Variants in HOMER2 observed in about 807,000 individuals in gnomAD.
The protein encoded by HOMER2 is homer protein homolog 2.
Under a neutral mutation model 47.0 loss-of-function variants are expected in HOMER2, and 27 were observed. That is an observed-to-expected ratio of 0.57 (90% CI 0.42 to 0.79). The LOEUF is 0.79. HOMER2 is among the 30% of genes least tolerant of loss of function. HOMER2 has a pLI of 0.00. For synonymous variants in HOMER2, 161 were observed against 163.8 expected, an observed-to-expected ratio of 0.98 and a Z score of 0.13; for missense variants, 443 against 435.0, an observed-to-expected ratio of 1.02 and a Z score of -0.16.
At chr15:82,899,812 C>A (rs2053051972) in intron 1 of HOMER2, among the ~76,000 whole-genome samples, 1 of 152,152 alleles carries the variant, frequency 6.6e-6, no homozygotes, top group Non-Finnish European at 1.5e-5. Context: ...CACTTGAGGT[C>A]AGGAGTTTGA....
chr15:82,961,330 C>T (rs185721103), intron 1 of HOMER2, among the ~76,000 whole-genome samples: 73 of 152,342 alleles, frequency 4.8e-4, no homozygotes, highest in South Asian at 1.7e-3. Flanking sequence ...ACTTCCCGTG[C>T]GCAGGTTGGG....
chr15:82,860,665 G>T (rs1001349074), intron 4 of HOMER2, among the ~76,000 whole-genome samples: 6 of 151,934 alleles, frequency 3.9e-5, no homozygotes, highest in African/African-American at 1.5e-4. Context: ...GGCCAGGTGT[G>T]GTGGCTCACA....
chr15:82,925,505 G>A (rs756363497), intron 1 of HOMER2, among the ~76,000 whole-genome samples: 8 of 152,164 alleles, frequency 5.3e-5, no homozygotes, highest in Non-Finnish European at 1.2e-4. Context: ...GATTCTAGAT[G>A]GGCTGGAGTT....
chr15:82,986,140 A>T (rs1251437198), upstream of HOMER2: 3 of 984,706 alleles, frequency 3.0e-6, no homozygotes, highest in Non-Finnish European at 2.4e-6. Flanking sequence ...AAAGCGATCC[A>T]CACGGAGAGC....
chr15:82,861,802 C>T (rs1391479636), intron 4 of HOMER2, among the ~76,000 whole-genome samples: 1 of 152,096 alleles, frequency 6.6e-6, no homozygotes, highest in Non-Finnish European at 1.5e-5. Context: ...ATATCAGAAG[C>T]TTGAGATCAG....
chr15:82,903,927 A>G (rs2053210261), intron 1 of HOMER2, among the ~76,000 whole-genome samples: 1 of 152,184 alleles, frequency 6.6e-6, no homozygotes, highest in Non-Finnish European at 1.5e-5. Context: ...AGTTGACGCC[A>G]GGAGTTCGAG....
intron 1 of HOMER2, among the ~76,000 whole-genome samples, chr15:82,931,928 T>C (rs2054021988): frequency 6.6e-6 from 1 of 152,262 alleles, no homozygotes; most frequent in South Asian, 2.1e-4. Flanking sequence ...CCAGCAGTTC[T>C]GTCTCACAGG....
chr15:82,966,757 C>A (rs1258065567), intron 1 of HOMER2, among the ~76,000 whole-genome samples: 2 of 152,166 alleles, frequency 1.3e-5, no homozygotes, highest in African/African-American at 4.8e-5. Context: ...TTGTGGGTTA[C>A]AGTGAGCAAA....
In HOMER2 at chr15:82,862,607, T is replaced by G. The variant is rs145781288; in HGVS notation, c.387+1560A>C. Among the ~76,000 whole-genome samples, 192 of 152,362 alleles carry G rather than the reference T, an allele frequency of 1.3e-3. 3 individuals are homozygous for G. Among genetic ancestry groups the G allele is most frequent in the Admixed American group, 0.01 (155 of 15,302 alleles). On this transcript the variant is annotated intron_variant, in intron 4 of 8. Transcript: ENST00000450735. ...GGACAATTTCAGATGCTGAATTTCATAGGTCCTCAGAGATTAATCAAGTAA... is the reference window on the plus strand; with the variant it reads ...GGACAATTTCAGATGCTGAATTTCAGAGGTCCTCAGAGATTAATCAAGTAA...
intron 3 of HOMER2, among the ~76,000 whole-genome samples, chr15:82,865,153 T>C (rs2051924737): frequency 6.6e-6 from 1 of 152,232 alleles, no homozygotes; most frequent in African/African-American, 2.4e-5. Context: ...AGTCTTTCTG[T>C]TCTGGCCTGT....
At chr15:82,878,318 AC>A (rs1170825074) in intron 2 of HOMER2, among the ~76,000 whole-genome samples, 4 of 152,148 alleles carry the variant, frequency 2.6e-5, no homozygotes, top group Non-Finnish European at 5.9e-5. Flanking sequence ...TTTCTAGGGC[AC>A]TTTTTCACAG....
chr15:82,984,913 G>A (rs1431308973), intron 1 of HOMER2, among the ~76,000 whole-genome samples: 1 of 152,118 alleles, frequency 6.6e-6, no homozygotes, highest in East Asian at 1.9e-4. Flanking sequence ...GTTTAATAGG[G>A]GGAAAGACTT....
At chr15:82,962,956 A>G (rs1031292251) in intron 1 of HOMER2, among the ~76,000 whole-genome samples, 1 of 152,182 alleles carries the variant, frequency 6.6e-6, no homozygotes, top group African/African-American at 2.4e-5. Flanking sequence ...AGAGGGGCTA[A>G]AAGCCCAAAG....
At chr15:82,892,581 G>T in intron 2 of HOMER2, 104 bp downstream of exon 2, 1 of 868,506 alleles carries the variant, frequency 1.2e-6, no homozygotes. Flanking sequence ...ATGTTATACA[G>T]ACATTATAAC....
chr15:82,904,313 C>T (rs1454233858), intron 1 of HOMER2, among the ~76,000 whole-genome samples: 1 of 152,116 alleles, frequency 6.6e-6, no homozygotes, highest in Admixed American at 6.5e-5. Context: ...AGTGCCAGGG[C>T]AGGAAAACCT....
intron 3 of HOMER2, 24 bp downstream of exon 3, chr15:82,875,249 G>A: frequency 1.2e-6 from 2 of 1,611,554 alleles, no homozygotes; most frequent in Middle Eastern, 2.0e-4. Context: ...GGGATTTACT[G>A]CACTGTGGAT....
At chr15:82,933,134 A>T (rs72755929) in intron 1 of HOMER2, among the ~76,000 whole-genome samples, 8,088 of 152,076 alleles carry the variant, frequency 0.053, 253 homozygotes, top group East Asian at 0.11. Flanking sequence ...TGATAAAAAA[A>T]AAAAAAACTA....
intron 1 of HOMER2, among the ~76,000 whole-genome samples, chr15:82,935,291 T>C: frequency 6.6e-6 from 1 of 152,086 alleles, no homozygotes; most frequent in East Asian, 1.9e-4. Context: ...ATCTCAGCAG[T>C]GCTCAAACCA....
chr15:82,849,484 T>C lies in HOMER2; in HGVS notation c.*231A>G, dbSNP rs1453530147. ...GCATAAATGTTGAAGGTAGACCTAG[T>C]TCTGGATTCCTGAGTCAGAATCTTC... On this transcript the variant is annotated 3_prime_UTR_variant, in exon 9 of 9. Coordinates refer to ENST00000450735, the MANE Select transcript of HOMER2 (RefSeq NM_004839.4). The C allele has an allele frequency of 1.8e-6, 1 of 555,444 alleles. No homozygotes were observed. Among genetic ancestry groups the C allele is most frequent in the African/African-American group, 1.9e-5 (1 of 53,300 alleles). The allele number at this position is 555,444 out of a possible 1,614,324, so 34.4% of individuals were successfully genotyped here. A position where few individuals can be genotyped will look rare whatever the true frequency, so the allele number is the denominator to read the frequency against.
Sources: allele counts gnomAD v4.1 joint callset (sites outside exome capture counted in the v4.1 genomes callset), GRCh38; gene constraint gnomAD v4.1.1; transcripts MANE v1.5; gene names NCBI Gene and HGNC (gene_info 2026-07-23, HGNC 2026-07-21).